Variants in IL1RAPL1 observed in about 807,000 individuals in gnomAD.
IL1RAPL1 encodes interleukin 1 receptor accessory protein like 1.
In IL1RAPL1, 3 loss-of-function variants were observed where a neutral mutation model predicts 48.4. That is an observed-to-expected ratio of 0.06 (90% CI 0.03 to 0.16). The LOEUF is 0.16. Ranked by LOEUF, IL1RAPL1 falls within the 10% of genes least tolerant of loss-of-function variation. The probability of loss-of-function intolerance (pLI) is 1.00; values close to 1 mark genes in which losing one functional copy is unlikely to be tolerated. For synonymous variants in IL1RAPL1, 185 were observed against 187.7 expected (o/e 0.99, Z 0.12); for missense variants, 349 against 530.6 (o/e 0.66, Z 3.36).
intron 1 of IL1RAPL1, among the ~76,000 whole-genome samples, chrX:28,687,883 C>CGAT (rs1935130913): frequency 9.0e-6 from 1 of 111,014 alleles, no homozygotes; most frequent in South Asian, 3.8e-4. Flanking sequence ...AGGCAGATCA[C>CGAT]CTGAGGTCAG....
intron 1 of IL1RAPL1, among the ~76,000 whole-genome samples, chrX:28,753,919 GGAGAGAGA>G (rs761095391): frequency 9.6e-6 from 1 of 104,407 alleles, no homozygotes; most frequent in East Asian, 3.1e-4. Flanking sequence ...AAGGAGGGAG[GGAGAGAGA>G]GAGAGAGAGA....
chrX:29,612,851 G>A (rs1298499650), intron 5 of IL1RAPL1, among the ~76,000 whole-genome samples: 1 of 112,005 alleles, frequency 8.9e-6, no homozygotes, highest in Non-Finnish European at 1.9e-5. Context: ...TCTAATTTGA[G>A]TTATTAGCTC....
At chrX:29,948,667 G>A (rs143376389) in intron 9 of IL1RAPL1, among the ~76,000 whole-genome samples, 1,723 of 110,234 alleles carry the variant, frequency 0.016, 38 homozygotes, top group African/African-American at 0.054. Flanking sequence ...TTTCTGTGAT[G>A]ATATGCCACA....
At chrX:29,398,090 T>C (rs1342347320) in intron 4 of IL1RAPL1, among the ~76,000 whole-genome samples, 1 of 112,254 alleles carries the variant, frequency 8.9e-6, no homozygotes, top group Non-Finnish European at 1.9e-5. Context: ...GTAGTCTAAA[T>C]AGCAGAGATT....
At chrX:29,201,883 C>T (rs1465709090) in intron 2 of IL1RAPL1, among the ~76,000 whole-genome samples, 2 of 111,376 alleles carry the variant, frequency 1.8e-5, no homozygotes, top group Non-Finnish European at 3.8e-5. Flanking sequence ...TTAGTAGAGA[C>T]GGGATTTCTC....
intron 2 of IL1RAPL1, among the ~76,000 whole-genome samples, chrX:29,230,517 A>ACC (rs1555978805): frequency 1.1e-5 from 1 of 90,536 alleles, no homozygotes; most frequent in African/African-American, 4.3e-5. Context: ...AAAAAAAAAA[A>ACC]AAAAAAAAAA....
At chrX:29,243,901 A>C (rs143987149) in intron 2 of IL1RAPL1, among the ~76,000 whole-genome samples, 1 of 111,277 alleles carries the variant, frequency 9.0e-6, no homozygotes, top group African/African-American at 3.3e-5. Flanking sequence ...CTACCTCTAA[A>C]GGGTCTTGAA....
chrX:29,207,525 A>C (rs1157623595), intron 2 of IL1RAPL1, among the ~76,000 whole-genome samples: 1 of 112,079 alleles, frequency 8.9e-6, no homozygotes, highest in Non-Finnish European at 1.9e-5. Context: ...TGTTGTGTTG[A>C]GAATGCTCCT....
intron 5 of IL1RAPL1, among the ~76,000 whole-genome samples, chrX:29,569,933 A>G (rs1284545034): frequency 8.9e-6 from 1 of 112,046 alleles, no homozygotes; most frequent in Non-Finnish European, 1.9e-5. Context: ...TGTTAGCCTA[A>G]TAAATCATCA....
intron 1 of IL1RAPL1, among the ~76,000 whole-genome samples, chrX:28,621,102 C>A (rs779866346): frequency 2.7e-5 from 3 of 111,988 alleles, no homozygotes; most frequent in Non-Finnish European, 5.6e-5. Context: ...CACATGACAT[C>A]TTAATTCTCT....
intron 1 of IL1RAPL1, among the ~76,000 whole-genome samples, chrX:28,669,199 G>C (rs1196018977): frequency 9.0e-6 from 1 of 111,431 alleles, no homozygotes; most frequent in African/African-American, 3.3e-5. Context: ...CTTTATTTCA[G>C]GCTCTTTGCT....
At chrX:29,738,574 T>C (rs903952443) in intron 6 of IL1RAPL1, among the ~76,000 whole-genome samples, 2 of 108,148 alleles carry the variant, frequency 1.8e-5, no homozygotes, top group Admixed American at 1.0e-4. Context: ...GCCTACTGAG[T>C]AGCTGGGCTA....
At chrX:29,908,586 T>C (rs972685654) in intron 6 of IL1RAPL1, among the ~76,000 whole-genome samples, 6 of 110,828 alleles carry the variant, frequency 5.4e-5, no homozygotes, top group Admixed American at 9.6e-5. Flanking sequence ...ATTTGATCTA[T>C]AGGATAGTGA....
At chrX:29,655,429 G>A (rs1049158727) in intron 5 of IL1RAPL1, among the ~76,000 whole-genome samples, 1 of 111,027 alleles carries the variant, frequency 9.0e-6, no homozygotes, top group Non-Finnish European at 1.9e-5. Flanking sequence ...TTTGGAGGCC[G>A]AGGTGGGTGG....
intron 1 of IL1RAPL1, among the ~76,000 whole-genome samples, chrX:28,768,903 C>T (rs1450521017): frequency 2.0e-5 from 2 of 101,025 alleles, no homozygotes; most frequent in African/African-American, 7.1e-5. Context: ...GTTGTATATT[C>T]GTGCATTGGA....
chrX:28,854,536 A>T (rs1183807215), intron 2 of IL1RAPL1, among the ~76,000 whole-genome samples: 1 of 111,419 alleles, frequency 9.0e-6, no homozygotes, highest in African/African-American at 3.3e-5. Context: ...TCAGAGTTGG[A>T]GGGTGGGATC....
chrX:29,352,656 G>A lies in IL1RAPL1; in HGVS notation c.363-43602G>A, dbSNP rs185074661. On this transcript the variant is annotated intron_variant, in intron 3 of 10. Transcript: ENST00000378993. ...TAGCCTCCTGCTACCATTAAACCTAGGCTCAGACTACTGGAATGTCCAGGA... is the reference window on the plus strand; with the variant it reads ...TAGCCTCCTGCTACCATTAAACCTAAGCTCAGACTACTGGAATGTCCAGGA... 9.0e-5 allele frequency among the ~76,000 whole-genome samples: 8 copies of A among 89,102 alleles called. No individual in the cohort carries two copies. The East Asian group carries it at 2.7e-3, about 30-fold the overall frequency. The allele number at this position is 89,102 out of a possible 115,157, so 77.4% of individuals were successfully genotyped here. A position where few individuals can be genotyped will look rare whatever the true frequency, so the allele number is the denominator to read the frequency against.
chrX:29,954,425 A>T (rs1235743200), intron 9 of IL1RAPL1, 97 bp from the exon 10 acceptor site: 4 of 682,959 alleles, frequency 5.9e-6, no homozygotes, highest in Middle Eastern at 3.4e-4. Context: ...GAAATGGGAC[A>T]TTTGGAGACG....
At chrX:28,700,546 T>A (rs1483889190) in intron 1 of IL1RAPL1, among the ~76,000 whole-genome samples, 5 of 109,352 alleles carry the variant, frequency 4.6e-5, no homozygotes, top group African/African-American at 6.7e-5. Context: ...TTTTTTTTTT[T>A]AATTTTACTT....
Sources: gnomAD v4.1 joint callset for allele counts (sites outside exome capture counted in the v4.1 genomes callset) on GRCh38, gnomAD v4.1.1 for gene constraint, MANE v1.5 for transcripts, NCBI Gene and HGNC (gene_info 2026-07-23, HGNC 2026-07-21) for gene names.